CUBN: variants seen among roughly 807,000 people sequenced by gnomAD.
CUBN encodes the protein 460 kDa receptor.
In CUBN, 282 loss-of-function variants were observed where a neutral mutation model predicts 405.3. The ratio of observed to expected loss-of-function variants is 0.70; its 90% CI spans 0.63 to 0.77. The LOEUF (loss-of-function observed/expected upper bound fraction) is 0.77. Among genes scored for constraint, CUBN ranks in the 30% least tolerant of loss-of-function variants. CUBN has a pLI of 0.00. For synonymous variants in CUBN, 1,684 were observed against 1,617.0 expected, an observed-to-expected ratio of 1.04 and a Z score of -0.99; for missense variants, 4,514 against 4,475.2, an observed-to-expected ratio of 1.01 and a Z score of -0.25.
At chr10:16,970,515 G>C (rs571179538) in intron 31 of CUBN, among the ~76,000 whole-genome samples, 1 of 148,378 alleles carries the variant, frequency 6.7e-6, no homozygotes, top group Non-Finnish European at 1.5e-5. Flanking sequence ...GGTGGAGGTC[G>C]CAGTGAGCTG....
intron 27 of CUBN, among the ~76,000 whole-genome samples, chr10:17,023,403 G>A (rs1834559502): frequency 6.6e-6 from 1 of 151,146 alleles, no homozygotes; most frequent in Middle Eastern, 3.4e-3. Context: ...CTCATACCTC[G>A]TTTTTTAAAG....
intron 28 of CUBN, among the ~76,000 whole-genome samples, chr10:16,999,676 C>T (rs1833826164): frequency 6.6e-6 from 1 of 152,128 alleles, no homozygotes; most frequent in Non-Finnish European, 1.5e-5. Context: ...TTATGAAATC[C>T]CTCAAACAAA....
At chr10:16,830,744 T>C (rs114865639) in intron 65 of CUBN, among the ~76,000 whole-genome samples, 2,054 of 152,318 alleles carry the variant, frequency 0.013, 51 homozygotes, top group African/African-American at 0.046. Context: ...ACCTTATATA[T>C]GTTTCATATA....
intron 54 of CUBN, among the ~76,000 whole-genome samples, chr10:16,894,374 G>A (rs1380358883): frequency 6.6e-6 from 1 of 151,832 alleles, no homozygotes; most frequent in African/African-American, 2.4e-5. Flanking sequence ...TTTGAGTGAG[G>A]TTTTCTACAA....
At chr10:16,953,544 A>G (rs537773012) in intron 32 of CUBN, among the ~76,000 whole-genome samples, 1 of 152,226 alleles carries the variant, frequency 6.6e-6, no homozygotes, top group Admixed American at 6.5e-5. Flanking sequence ...TAGAACGAGC[A>G]GATGAAAGGC....
chr10:16,922,482 T>A (rs1442886466), intron 43 of CUBN, among the ~76,000 whole-genome samples: 2 of 152,182 alleles, frequency 1.3e-5, no homozygotes, highest in Non-Finnish European at 2.9e-5. Context: ...CATTAGTGTT[T>A]TTAATCTGAT....
At chr10:16,847,450 C>A (rs959222547) in intron 60 of CUBN, among the ~76,000 whole-genome samples, 1 of 151,758 alleles carries the variant, frequency 6.6e-6, no homozygotes, top group African/African-American at 2.4e-5. Context: ...CCACTGCAGT[C>A]CAGCCTGGGC....
rs752070254 is a variant in CUBN, at chr10:16,948,461, G to T, written c.5209+17C>A. ...CATCCCTTTTAACCGCTAGAGTCAG[G>T]TGCTAGGGTTTCTTACCCGACACTG... On this transcript the variant is annotated intron_variant, in intron 35 of 66. Transcript: ENST00000377833. The T allele has an allele frequency of 1.2e-6, 2 of 1,613,666 alleles. No individual in the cohort carries two copies. Among genetic ancestry groups the T allele is most frequent in the African/African-American group, 1.3e-5 (1 of 75,012 alleles).
At chr10:17,012,086 G>A (rs941611351) in intron 28 of CUBN, among the ~76,000 whole-genome samples, 7 of 152,138 alleles carry the variant, frequency 4.6e-5, no homozygotes, top group African/African-American at 9.7e-5. Flanking sequence ...CCAGTGGGTC[G>A]GTCCAGGGGT....
intron 29 of CUBN, among the ~76,000 whole-genome samples, chr10:16,985,229 C>T (rs1284130138): frequency 1.3e-5 from 2 of 152,216 alleles, no homozygotes; most frequent in South Asian, 2.1e-4. Flanking sequence ...CTCCAGGCTC[C>T]ACGAGCAGAT....
At chr10:16,903,343 A>C (rs1378296398) in intron 51 of CUBN, among the ~76,000 whole-genome samples, 1 of 152,154 alleles carries the variant, frequency 6.6e-6, no homozygotes, top group Non-Finnish European at 1.5e-5. Context: ...ATTTAATAAT[A>C]AAATGTCATA....
At chr10:17,090,070 C>T (rs369091247) in intron 14 of CUBN, among the ~76,000 whole-genome samples, 29 of 152,048 alleles carry the variant, frequency 1.9e-4, no homozygotes, top group South Asian at 1.9e-3. Flanking sequence ...GAGACACGAT[C>T]GCACCCTGTC....
At chr10:16,959,087 A>G (rs571582514) in intron 31 of CUBN, among the ~76,000 whole-genome samples, 1 of 152,302 alleles carries the variant, frequency 6.6e-6, no homozygotes, top group Admixed American at 6.5e-5. Flanking sequence ...CATGATGGCA[A>G]GGCTTTCAGT....
intron 4 of CUBN, among the ~76,000 whole-genome samples, 182 bp from the exon 5 acceptor site, chr10:17,123,871 C>A (rs564136347): frequency 6.6e-6 from 1 of 152,268 alleles, no homozygotes; most frequent in Admixed American, 6.5e-5. Flanking sequence ...AAAGCATTTT[C>A]TATTATCAAT....
chr10:16,848,239 A>G (rs1839577935), intron 60 of CUBN, among the ~76,000 whole-genome samples: 1 of 152,212 alleles, frequency 6.6e-6, no homozygotes, highest in South Asian at 2.1e-4. Flanking sequence ...TCTTGAGAGT[A>G]AATCCAGTCA....
At chr10:16,941,172 T>A (rs1047530041) in intron 36 of CUBN, among the ~76,000 whole-genome samples, 1 of 152,124 alleles carries the variant, frequency 6.6e-6, no homozygotes. Flanking sequence ...AATGGATGAA[T>A]GGAATAGGAA....
intron 39 of CUBN, among the ~76,000 whole-genome samples, chr10:16,935,903 A>G (rs1842490214): frequency 6.6e-6 from 1 of 151,554 alleles, no homozygotes; most frequent in Admixed American, 6.6e-5. Flanking sequence ...AAAAGAAAAA[A>G]AAAAAGAAAG....
chr10:17,037,534 T>C (rs1389258771), intron 27 of CUBN, among the ~76,000 whole-genome samples: 1 of 152,212 alleles, frequency 6.6e-6, no homozygotes, highest in Non-Finnish European at 1.5e-5. Context: ...ACCAGAAATA[T>C]ATGAACTGGA....
chr10:17,065,498 G>GT lies in CUBN; in HGVS notation c.3139+9dup, dbSNP rs1211237209. 1 of 1,612,776 alleles carries GT rather than the reference G, an allele frequency of 6.2e-7. No individual in the cohort carries two copies. Among genetic ancestry groups the GT allele is most frequent in the East Asian group, 2.2e-5 (1 of 44,844 alleles). On this transcript the variant is annotated intron_variant, in intron 22 of 66. Coordinates refer to ENST00000377833, the MANE Select transcript of CUBN (RefSeq NM_001081.4). ...TCAATAAAACCGAGTATGCAATGCT[G>GT]TTTTGTTACCTGTTGCTGCACTGAT... is the stretch of plus-strand genomic sequence containing the variant.
Sources: gnomAD v4.1 joint callset for allele counts (sites outside exome capture counted in the v4.1 genomes callset) on GRCh38, gnomAD v4.1.1 for gene constraint, MANE v1.5 for transcripts, NCBI Gene and HGNC (gene_info 2026-07-23, HGNC 2026-07-21) for gene names.